The following SORL1 variants were observed in gnomAD, a reference collection of about 807,000 sequenced individuals.
The protein encoded by SORL1 is sortilin-related receptor.
SORL1 carries 127 observed loss-of-function variants against 273.7 expected under a neutral mutation model. The ratio of observed to expected loss-of-function variants is 0.46; its 90% CI spans 0.40 to 0.54. The LOEUF is 0.54. Among genes scored for constraint, SORL1 ranks in the 20% least tolerant of loss-of-function variants. The pLI, the probability that SORL1 is intolerant of heterozygous loss-of-function variation, is 0.00. For synonymous variants in SORL1, 1,031 were observed against 1,067.4 expected, an observed-to-expected ratio of 0.97 and a Z score of 0.66; for missense variants, 2,494 against 2,846.1, an observed-to-expected ratio of 0.88 and a Z score of 2.81.
chr11:121,536,046 C>T (rs943791985), intron 12 of SORL1, among the ~76,000 whole-genome samples: 9 of 152,216 alleles, frequency 5.9e-5, no homozygotes, highest in African/African-American at 1.2e-4. Flanking sequence ...AGCTTGATCA[C>T]GGAAGAGAAG....
chr11:121,556,212 A>G (rs1862579732), intron 18 of SORL1, among the ~76,000 whole-genome samples: 1 of 152,354 alleles, frequency 6.6e-6, no homozygotes, highest in Non-Finnish European at 1.5e-5. Context: ...AGTGGGCAGG[A>G]CACACACGTT....
intron 1 of SORL1, among the ~76,000 whole-genome samples, chr11:121,455,822 G>A (rs1363775941): frequency 2.0e-5 from 3 of 152,144 alleles, no homozygotes; most frequent in East Asian, 3.9e-4. Context: ...GGGAAACCCC[G>A]TCTCTACTAA....
intron 31 of SORL1, among the ~76,000 whole-genome samples, chr11:121,594,828 T>C (rs538753315): frequency 1.2e-4 from 18 of 152,302 alleles, no homozygotes; most frequent in African/African-American, 4.1e-4. Context: ...GCTTGTCAAC[T>C]TCGAGGTTCA....
At position 121,574,229 on chromosome 11, in the gene SORL1, A is replaced by G. The variant is rs772783758; in HGVS notation, c.3338-12A>G. On this transcript the variant is annotated splice_polypyrimidine_tract_variant and intron_variant, in intron 23 of 47. Transcript: ENST00000260197. Reference sequence around the variant, plus strand: ...TACCTAAGGAATATGTTGTCTTTCTATCCCATTTTAGCTACCACCATCTGT... The same window carrying G: ...TACCTAAGGAATATGTTGTCTTTCTGTCCCATTTTAGCTACCACCATCTGT... The G allele has an allele frequency of 8.1e-6, 13 of 1,613,422 alleles. No individual in the cohort carries two copies. Among genetic ancestry groups the G allele is most frequent in the East Asian group, 2.2e-5 (1 of 44,872 alleles).
intron 31 of SORL1, among the ~76,000 whole-genome samples, chr11:121,594,942 A>G (rs1863271170): frequency 6.6e-6 from 1 of 152,200 alleles, no homozygotes; most frequent in South Asian, 2.1e-4. Context: ...CTGCCTAGAC[A>G]ATAATTACCT....
intron 39 of SORL1, 187 bp from the exon 40 acceptor site, chr11:121,612,549 A>G (rs557798782): frequency 4.7e-5 from 23 of 492,044 alleles, no homozygotes; most frequent in African/African-American, 4.3e-4. Flanking sequence ...GGTGGAGTAC[A>G]ACTAAATATT....
chr11:121,572,961 G>T (rs567127953), intron 23 of SORL1, among the ~76,000 whole-genome samples: 1 of 152,130 alleles, frequency 6.6e-6, no homozygotes, highest in African/African-American at 2.4e-5. Context: ...CCCCTCCCCC[G>T]TGCCAGCATT....
rs966794368 is a variant in SORL1 at position 121,596,154 on chromosome 11, C to T, written c.4519+382C>T. 6.6e-5 allele frequency among the ~76,000 whole-genome samples: 10 copies of T among 152,140 alleles called. No homozygotes were observed. The highest frequency in any genetic ancestry group is 2.1e-4 in the South Asian group (1 of 4,824). On this transcript the variant is annotated intron_variant, in intron 32 of 47. Transcript: ENST00000260197. The surrounding 1 kb of genome is among the most constrained non-coding windows in gnomAD (Gnocchi z 4.3). The stretch of plus-strand genomic sequence containing the variant: ...AAGTATTTAGTGAGCACTTACTGGG[C>T]GTAGAAGCTGTGTTATTAGAGGGTT...
chr11:121,466,171 G>A (rs1229916767), intron 1 of SORL1, among the ~76,000 whole-genome samples: 7 of 152,214 alleles, frequency 4.6e-5, no homozygotes, highest in Non-Finnish European at 7.4e-5. Context: ...CTCCAGCTAT[G>A]CCCTGTGAGC....
intron 1 of SORL1, among the ~76,000 whole-genome samples, chr11:121,461,705 G>C (rs1861003419): frequency 6.6e-6 from 1 of 152,240 alleles, no homozygotes; most frequent in Non-Finnish European, 1.5e-5. Context: ...GTTCGGCTGG[G>C]AATCAAGGAG....
At chr11:121,601,992 C>A (rs986385200) in intron 32 of SORL1, among the ~76,000 whole-genome samples, 1 of 152,166 alleles carries the variant, frequency 6.6e-6, no homozygotes, top group Non-Finnish European at 1.5e-5. Context: ...GAAGATAACT[C>A]CCTGAGGACA....
chr11:121,628,396 C>T (rs1044500741), intron 47 of SORL1, among the ~76,000 whole-genome samples: 2 of 152,202 alleles, frequency 1.3e-5, no homozygotes, highest in African/African-American at 2.4e-5. Context: ...AGGGAGCGCT[C>T]AGTCTGGATC....
intron 21 of SORL1, among the ~76,000 whole-genome samples, chr11:121,560,714 A>G (rs1408654370): frequency 6.6e-6 from 1 of 152,236 alleles, no homozygotes; most frequent in Non-Finnish European, 1.5e-5. Flanking sequence ...TGAAGATAGC[A>G]TGAGAACACC....
At position 121,553,962 on chromosome 11, in the gene SORL1, T is replaced by C; in HGVS notation, c.2292T>C (p.Ala764=). Residue 764 remains alanine (A), a synonymous_variant, in exon 17 of 48, where the codon GCT becomes GCC. Transcript: ENST00000260197. ...AAGAGAACGAGTTCATTCTGTATGC[T>C]GTGAGGAAATCCATCTACCGCTATG... ...LAEENEFILY[A]VRKSIYRYDL... is the part of the protein sequence containing the mutation. 6.2e-7 allele frequency: 1 copy of C among 1,614,110 alleles called. No individual in the cohort carries two copies. The highest frequency in any genetic ancestry group is 8.5e-7 in the Non-Finnish European group (1 of 1,179,974).
At chr11:121,487,322 G>C (rs1861490131) in intron 3 of SORL1, among the ~76,000 whole-genome samples, 1 of 152,204 alleles carries the variant, frequency 6.6e-6, no homozygotes, top group Non-Finnish European at 1.5e-5. Context: ...GAATTGCCTG[G>C]ATCCTTCTCC....
chr11:121,565,400 C>T (rs1056850985), intron 21 of SORL1, among the ~76,000 whole-genome samples: 3 of 152,090 alleles, frequency 2.0e-5, no homozygotes, highest in African/African-American at 7.2e-5. Flanking sequence ...GTAAATTAAC[C>T]AATGATGTGC....
chr11:121,455,150 C>T (rs1860882445), intron 1 of SORL1, among the ~76,000 whole-genome samples: 1 of 151,826 alleles, frequency 6.6e-6, no homozygotes, highest in South Asian at 2.1e-4. Flanking sequence ...AGGAAATTTA[C>T]AATTTAAGGA....
At chr11:121,614,023 A>G (rs557136327) in intron 40 of SORL1, among the ~76,000 whole-genome samples, 37 of 152,376 alleles carry the variant, frequency 2.4e-4, no homozygotes, top group African/African-American at 8.7e-4. Flanking sequence ...ACTTTACCCA[A>G]GGTTATACAA....
At chr11:121,566,858 T>G in intron 21 of SORL1, 82 bp from the exon 22 acceptor site, 1 of 1,304,058 alleles carries the variant, frequency 7.7e-7, no homozygotes, top group African/African-American at 1.5e-5. Context: ...GACGAGGAGG[T>G]TGCAGTGGGT....
Sources: allele counts gnomAD v4.1 joint callset (sites outside exome capture counted in the v4.1 genomes callset), GRCh38; gene constraint gnomAD v4.1.1; non-coding constraint Gnocchi (gnomAD v3.1); transcripts MANE v1.5; gene names NCBI Gene and HGNC (gene_info 2026-07-23, HGNC 2026-07-21).